The following ZNF222 variants were observed in gnomAD, a reference collection of about 807,000 sequenced individuals.
The protein encoded by ZNF222 is zinc finger protein 222.
A neutral mutation model predicts 11.6 loss-of-function variants in ZNF222; 8 were observed. The observed-to-expected ratio is 0.69, with a 90% CI of 0.41 to 1.25. The LOEUF is 1.25. Ranked by LOEUF, ZNF222 falls within the 50% of genes most tolerant of loss-of-function variation. The pLI, the probability that ZNF222 is intolerant of heterozygous loss-of-function variation, is 0.01. For synonymous variants in ZNF222, 171 were observed against 195.6 expected (o/e 0.87, Z 1.05); for missense variants, 483 against 576.1 (o/e 0.84, Z 1.65).
At position 44,031,864 on chromosome 19, in the gene ZNF222, C is replaced by G; in HGVS notation, c.310C>G (p.His104Asp). 6.2e-7 allele frequency: 1 copy of G among 1,614,128 alleles called. No individual in the cohort carries two copies. The highest frequency in any genetic ancestry group is 8.5e-7 in the Non-Finnish European group (1 of 1,180,002). The change falls in exon 4 of 4, where the codon CAT (histidine) becomes GAT (aspartate). Residue 104 changes from histidine (H) to aspartate (D), a missense_variant. Transcript: ENST00000391960. ...EMETVPEAGTHEEFSCKQIWE... is the reference protein window; with the variant it reads ...EMETVPEAGTDEEFSCKQIWE... Reference sequence around the variant, plus strand: ...GGAGACTGTTCCAGAAGCAGGAACACATGAAGAATTTTCCTGCAAGCAAAT... The same window carrying G: ...GGAGACTGTTCCAGAAGCAGGAACAGATGAAGAATTTTCCTGCAAGCAAAT...
At position 44,025,671 on chromosome 19, in the gene ZNF222, G is replaced by A. The variant is rs556930514; in HGVS notation, c.42+193G>A. On this transcript the variant is annotated intron_variant, in intron 1 of 3. Transcript: ENST00000391960. The surrounding 1 kb of genome is among the most constrained non-coding windows in gnomAD (Gnocchi z 4.6). ...TGGTGTGGAGTGTCACTTAATGTCC[G>A]TTTATCTTCCATTGCTGGTTCGTTT... Among the ~76,000 whole-genome samples the A allele has an allele frequency of 6.7e-6, 1 of 150,314 alleles. No individual in the cohort carries two copies. The highest frequency in any genetic ancestry group is 2.0e-4 in the East Asian group (1 of 5,098).
chr19:44,030,553 A>G (rs1282003569), intron 3 of ZNF222, among the ~76,000 whole-genome samples: 1 of 152,264 alleles, frequency 6.6e-6, no homozygotes, highest in Non-Finnish European at 1.5e-5. Context: ...CAGGGAAAAC[A>G]TGCATATTAT....
chr19:44,025,937 A>T lies in ZNF222; in HGVS notation c.42+459A>T. 1 of 1,350,178 alleles carries T rather than the reference A, an allele frequency of 7.4e-7. No individual in the cohort carries two copies. Among genetic ancestry groups the T allele is most frequent in the Non-Finnish European group, 1.0e-6 (1 of 977,882 alleles). 83.6% of individuals were successfully genotyped at this position (1,350,178 alleles called of 1,614,324 possible). A position where few individuals can be genotyped will look rare whatever the true frequency, so the allele number is the denominator to read the frequency against. On this transcript the variant is annotated intron_variant, in intron 1 of 3. Coordinates refer to ENST00000391960, the MANE Select transcript of ZNF222 (RefSeq NM_001129996.2). This position sits in a 1 kb window ranked among gnomAD's most constrained non-coding sequence, Gnocchi z 4.6. Reference sequence around the variant, plus strand: ...GCTGGATGATCCCTGACGCCTTCTGACCTCTTTTTAGGAAAGTGAGGGGAG... The same window carrying T: ...GCTGGATGATCCCTGACGCCTTCTGTCCTCTTTTTAGGAAAGTGAGGGGAG...
intron 3 of ZNF222, 82 bp downstream of exon 3, chr19:44,027,572 TG>T (rs1223640848): frequency 7.7e-7 from 1 of 1,304,814 alleles, no homozygotes; most frequent in African/African-American, 1.5e-5. Flanking sequence ...TTGGGGTAAA[TG>T]GCCAAACCTG....
At chr19:44,026,164 A>C in intron 1 of ZNF222, 2 of 1,416,774 alleles carry the variant, frequency 1.4e-6, no homozygotes, top group South Asian at 1.2e-5. Flanking sequence ...TCCCTCGGGC[A>C]TGGGTGTCGA....
intron 3 of ZNF222, among the ~76,000 whole-genome samples, chr19:44,031,366 T>C (rs528894306): frequency 7.2e-5 from 11 of 152,344 alleles, no homozygotes; most frequent in African/African-American, 2.6e-4. Flanking sequence ...AAATGAACGT[T>C]CATTAAAGTT....
At chr19:44,031,718 C>G in intron 3 of ZNF222, 99 bp from the exon 4 acceptor site, 1 of 1,342,278 alleles carries the variant, frequency 7.5e-7, no homozygotes, top group Non-Finnish European at 1.0e-6. Flanking sequence ...CCTGACCTCA[C>G]AGTCCACCCG....
rs1234774710 is a variant in ZNF222 at position 44,025,983 on chromosome 19, C to T, written c.42+505C>T. 16 of 1,577,762 alleles carry T rather than the reference C, an allele frequency of 1.0e-5. No individual in the cohort carries two copies. Among genetic ancestry groups the T allele is most frequent in the Admixed American group, 9.5e-5 (5 of 52,704 alleles). On this transcript the variant is annotated intron_variant, in intron 1 of 3. Coordinates refer to ENST00000391960, the MANE Select transcript of ZNF222 (RefSeq NM_001129996.2). The surrounding 1 kb of genome is among the most constrained non-coding windows in gnomAD (Gnocchi z 4.6). ...GGGAGCATTTAACTTTTATGGGGGA[C>T]GGCAAAACGGTCAGGGTGTTTCACA...
intron 3 of ZNF222, among the ~76,000 whole-genome samples, chr19:44,029,121 A>T (rs1019101684): frequency 6.7e-6 from 1 of 150,030 alleles, no homozygotes; most frequent in African/African-American, 2.5e-5. Flanking sequence ...GGTTGAATCC[A>T]TGTATGCTGA....
rs1209364880 is a variant in ZNF222, at chr19:44,032,215, G to A, written c.661G>A (p.Glu221Lys). 1 of 1,614,204 alleles carries A rather than the reference G, an allele frequency of 6.2e-7. No homozygotes were observed. Among genetic ancestry groups the A allele is most frequent in the Non-Finnish European group, 8.5e-7 (1 of 1,180,026 alleles). Reference protein sequence around the residue: ...KCYKCDVCGKEFSQSSRLQTH... With the variant: ...KCYKCDVCGKKFSQSSRLQTH... ...CTATAAGTGTGATGTGTGTGGTAAG[G>A]AATTTAGTCAGAGCTCACGTCTGCA... The change falls in exon 4 of 4, where the codon GAA (glutamate) becomes AAA (lysine). Residue 221 changes from glutamate to lysine, a missense_variant. Coordinates refer to ENST00000391960, the MANE Select transcript of ZNF222 (RefSeq NM_001129996.2).
chr19:44,028,827 T>C (rs774994413), intron 3 of ZNF222, among the ~76,000 whole-genome samples: 5 of 152,212 alleles, frequency 3.3e-5, no homozygotes, highest in Admixed American at 6.5e-5. Context: ...TGTTATATAG[T>C]CATGCCTTGG....
rs146826815 is a variant in ZNF222, at chr19:44,033,071, A to G, written c.*41A>G. 1.9e-4 allele frequency: 274 copies of G among 1,436,274 alleles called. 2 individuals carry two copies. In the East Asian group the frequency reaches 6.4e-3, roughly 34 times the overall value. The allele number at this position is 1,436,274 out of a possible 1,614,324, so 89.0% of individuals were successfully genotyped here. A position where few individuals can be genotyped will look rare whatever the true frequency, so the allele number is the denominator to read the frequency against. On this transcript the variant is annotated 3_prime_UTR_variant, in exon 4 of 4. Transcript: ENST00000391960. ...GGAGTGTGAAATTTGATACATGTAT[A>G]TAATGTGTGCTGATTAAATCAGTTT...
Position 44,025,506 on chromosome 19 carries a change from C to A in ZNF222, c.42+28C>A. 3 of 1,539,588 alleles carry A rather than the reference C, an allele frequency of 1.9e-6. No individual in the cohort carries two copies. Among genetic ancestry groups the A allele is most frequent in the Non-Finnish European group, 2.6e-6 (3 of 1,141,466 alleles). ...TTGGAGGGGCGCGGGCGGGGATTGC[C>A]GTTCCAGTCAGCTGAGCCTTCTGGC... is the stretch of plus-strand genomic sequence containing the variant. On this transcript the variant is annotated intron_variant, in intron 1 of 3. Coordinates refer to ENST00000391960, the MANE Select transcript of ZNF222 (RefSeq NM_001129996.2). This position sits in a 1 kb window ranked among gnomAD's most constrained non-coding sequence, Gnocchi z 4.6.
intron 3 of ZNF222, among the ~76,000 whole-genome samples, chr19:44,028,737 A>G (rs1015564410): frequency 1.3e-5 from 2 of 152,208 alleles, no homozygotes; most frequent in Admixed American, 6.5e-5. Flanking sequence ...ATTCTTATGA[A>G]TGAATTAATG....
Position 44,027,076 on chromosome 19 carries a change from G to A in ZNF222, c.96G>A (p.Gly32=), listed in dbSNP as rs1976391916. Residue 32 remains glycine, a synonymous_variant, in exon 2 of 4, where the codon GGG becomes GGA. Coordinates refer to ENST00000391960, the MANE Select transcript of ZNF222 (RefSeq NM_001129996.2). ...TGATCTTCACTGAGGAGGAGCTGGG[G>A]CTGCTGGACCCTGCCCAGAGGAAGC... ...VAVIFTEEEL[G]LLDPAQRKLY... is the part of the protein sequence containing the mutation. 1 of 1,614,108 alleles carries A rather than the reference G, an allele frequency of 6.2e-7. No individual in the cohort carries two copies. Among genetic ancestry groups the A allele is most frequent in the Middle Eastern group, 1.6e-4 (1 of 6,062 alleles).
Position 44,032,570 on chromosome 19 carries a change from A to G in ZNF222, c.1016A>G (p.Asp339Gly). The change falls in exon 4 of 4, where the codon GAT becomes GGT. Residue 339 changes from aspartate (D) to glycine (G), a missense_variant. By Grantham distance (94) the Asp-to-Gly change is moderately conservative. Transcript: ENST00000391960. ...GGAAGAGGTTTCATTGATAGGCTAG[A>G]TTTGCATAAGCATCAGATGATTCAT... ...KYGRGFIDRL[D>G]LHKHQMIHMG... is the part of the protein sequence containing the mutation. The G allele has an allele frequency of 1.2e-6, 2 of 1,614,210 alleles. No individual in the cohort carries two copies. The highest frequency in any genetic ancestry group is 1.7e-6 in the Non-Finnish European group (2 of 1,180,044).
chr19:44,026,528 TTCTCTCTC>T (rs144596220), intron 1 of ZNF222, among the ~76,000 whole-genome samples: 1 of 143,190 alleles, frequency 7.0e-6, no homozygotes, highest in Non-Finnish European at 1.5e-5. Context: ...ACTATTTTCT[TTCTCTCTC>T]TCTCTCTATA....
intron 1 of ZNF222, among the ~76,000 whole-genome samples, chr19:44,026,606 G>A (rs1976375965): frequency 6.7e-6 from 1 of 149,280 alleles, no homozygotes; most frequent in Non-Finnish European, 1.5e-5. Flanking sequence ...GGAGTGCAGT[G>A]GTGCAATCTT....
At chr19:44,026,788 A>G (rs1382363989) in intron 1 of ZNF222, among the ~76,000 whole-genome samples, 1 of 152,064 alleles carries the variant, frequency 6.6e-6, no homozygotes, top group Non-Finnish European at 1.5e-5. Flanking sequence ...TCCTTTACCC[A>G]CTATTTATTC....
Sources: gnomAD v4.1 joint callset for allele counts (sites outside exome capture counted in the v4.1 genomes callset) on GRCh38, gnomAD v4.1.1 for gene constraint, Gnocchi (gnomAD v3.1) non-coding constraint, MANE v1.5 for transcripts, NCBI Gene and HGNC (gene_info 2026-07-23, HGNC 2026-07-21) for gene names.